Variants in ARHGEF33 observed in about 807,000 individuals in gnomAD.
ARHGEF33 encodes the protein DH and coiled-coil domain-containing protein ENSP00000381780.
In ARHGEF33, 72 loss-of-function variants were observed where a neutral mutation model predicts 101.9. That is an observed-to-expected ratio of 0.71 (90% CI 0.58 to 0.86). ARHGEF33 has a LOEUF of 0.86. Ranked by LOEUF, ARHGEF33 falls within the 40% of genes least tolerant of loss-of-function variation. The probability of loss-of-function intolerance (pLI) is 0.00; values close to 1 mark genes in which losing one functional copy is unlikely to be tolerated. For missense variants in ARHGEF33, 1,169 were observed against 1,111.3 expected, an observed-to-expected ratio of 1.05 and a Z score of -0.74; for synonymous variants, 499 against 442.5, an observed-to-expected ratio of 1.13 and a Z score of -1.60.
intron 2 of ARHGEF33, among the ~76,000 whole-genome samples, chr2:38,906,204 AAAG>A (rs1666385982): frequency 4.0e-5 from 6 of 151,886 alleles, no homozygotes. Context: ...AAAAAAAAAA[AAAG>A]AAAAAAATTC....
In ARHGEF33 at chr2:38,959,945, A is replaced by G; in HGVS notation, c.1640A>G (p.Glu547Gly). Residue 547 changes from glutamate to glycine, a missense_variant, in exon 16 of 18, where the codon GAG becomes GGG. Transcript: ENST00000409978. Reference sequence around the variant, plus strand: ...TGGGAGCTGGAGGGCAGGAAGCACGAGCGGCCCGAGAGCCTTCTGGCACCG... The same window carrying G: ...TGGGAGCTGGAGGGCAGGAAGCACGGGCGGCCCGAGAGCCTTCTGGCACCG... Reference protein sequence around the residue: ...SDWELEGRKHERPESLLAPTQ... With the variant: ...SDWELEGRKHGRPESLLAPTQ... 6.4e-7 allele frequency: 1 copy of G among 1,551,554 alleles called. No homozygotes were observed. The highest frequency in any genetic ancestry group is 8.7e-7 in the Non-Finnish European group (1 of 1,146,910).
At chr2:38,957,938 A>T in intron 14 of ARHGEF33, 96 bp from the exon 15 acceptor site, 1 of 1,422,816 alleles carries the variant, frequency 7.0e-7, no homozygotes, top group South Asian at 1.3e-5. Context: ...AGCAAACTTT[A>T]TCTGAGACAT....
At chr2:38,893,724 G>C (rs1035373240) in intron 1 of ARHGEF33, among the ~76,000 whole-genome samples, 1 of 152,184 alleles carries the variant, frequency 6.6e-6, no homozygotes, top group African/African-American at 2.4e-5. Flanking sequence ...TGCCTTTTAT[G>C]TGGTATATGC....
intron 1 of ARHGEF33, among the ~76,000 whole-genome samples, chr2:38,890,504 A>T (rs1299250762): frequency 3.3e-5 from 5 of 152,190 alleles, no homozygotes; most frequent in Non-Finnish European, 5.9e-5. Context: ...TGTACTGATT[A>T]ATTACATGGG....
At chr2:38,962,934 G>C (rs12712629) in intron 16 of ARHGEF33, among the ~76,000 whole-genome samples, 135,683 of 146,382 alleles carry the variant, frequency 0.93, 62,988 homozygotes, top group African/African-American at 0.94. Context: ...TGAGGCGAGA[G>C]AATGGCGTGA....
chr2:38,931,895 T>G (rs1006472450), intron 7 of ARHGEF33, among the ~76,000 whole-genome samples: 2 of 152,190 alleles, frequency 1.3e-5, no homozygotes, highest in African/African-American at 2.4e-5. Context: ...ACATTTCCTC[T>G]TATTTATGGT....
chr2:38,920,752 T>C (rs1666738857), intron 3 of ARHGEF33, among the ~76,000 whole-genome samples: 1 of 152,152 alleles, frequency 6.6e-6, no homozygotes, highest in Non-Finnish European at 1.5e-5. Flanking sequence ...GCGTGTGCCC[T>C]GTGTTTCTCG....
intron 2 of ARHGEF33, among the ~76,000 whole-genome samples, chr2:38,912,472 G>A (rs1666530014): frequency 6.6e-6 from 1 of 152,014 alleles, no homozygotes; most frequent in Admixed American, 6.6e-5. Context: ...CTTTTAAACT[G>A]TACCCTTTAA....
chr2:38,893,061 C>T (rs1359787391), intron 1 of ARHGEF33, among the ~76,000 whole-genome samples: 1 of 152,196 alleles, frequency 6.6e-6, no homozygotes, highest in Non-Finnish European at 1.5e-5. Flanking sequence ...TATCTGCCCC[C>T]AATCTACCTG....
chr2:38,941,708 T>TG (rs1294545309), intron 9 of ARHGEF33, among the ~76,000 whole-genome samples: 2 of 151,952 alleles, frequency 1.3e-5, no homozygotes, highest in South Asian at 2.1e-4. Flanking sequence ...CCACCACACC[T>TG]GGCTAATTTT....
chr2:38,899,587 C>T lies in ARHGEF33; in HGVS notation c.-86+3738C>T, dbSNP rs543015951. On this transcript the variant is annotated intron_variant, in intron 2 of 17. Transcript: ENST00000409978. ...GGGGGTGGAATGGAGACGCGTTGGTCAAAGGGTACACATTTCAGTAAGACA... is the reference window on the plus strand; with the variant it reads ...GGGGGTGGAATGGAGACGCGTTGGTTAAAGGGTACACATTTCAGTAAGACA... Among the ~76,000 whole-genome samples, 6 of 152,068 alleles carry T rather than the reference C, an allele frequency of 3.9e-5. No homozygotes were observed. The South Asian group carries it at 1.0e-3, about 26-fold the overall frequency.
chr2:38,942,690 T>C (rs1263443965), intron 9 of ARHGEF33, among the ~76,000 whole-genome samples: 2 of 152,190 alleles, frequency 1.3e-5, no homozygotes, highest in Non-Finnish European at 2.9e-5. Flanking sequence ...TTTTGTATCC[T>C]GCATTGTCTC....
At chr2:38,904,566 C>T (rs1666344791) in intron 2 of ARHGEF33, among the ~76,000 whole-genome samples, 2 of 151,858 alleles carry the variant, frequency 1.3e-5, no homozygotes, top group South Asian at 2.1e-4. Flanking sequence ...ATTAGCCAGG[C>T]GTAGTCGTGG....
At chr2:38,890,363 A>G (rs1665969084) in intron 1 of ARHGEF33, among the ~76,000 whole-genome samples, 1 of 152,188 alleles carries the variant, frequency 6.6e-6, no homozygotes, top group Non-Finnish European at 1.5e-5. Context: ...ATTAAGAATA[A>G]TTAAAGAATG....
rs1382296595 is a variant in ARHGEF33 at position 38,937,546 on chromosome 2, A to C, written c.777A>C (p.Glu259Asp). 94 of 1,536,130 alleles carry C rather than the reference A, an allele frequency of 6.1e-5. No homozygotes were observed. In the East Asian group the frequency reaches 2.3e-3, roughly 37 times the overall value. The change falls in exon 9 of 18, where the codon GAA (glutamate) becomes GAC (aspartate). Residue 259 changes from glutamate to aspartate, a missense_variant. Coordinates refer to ENST00000409978, the MANE Select transcript of ARHGEF33 (RefSeq NM_001145451.5). ...GCTCCTTGGAAAACGTTTTATGTGA[A>C]ACCTCCTTAGCTGGTAAGTTCCAAG... The part of the protein sequence containing the change: ...RHSSLENVLC[E>D]TSLAAKRQTV...
intron 16 of ARHGEF33, among the ~76,000 whole-genome samples, chr2:38,965,676 C>A (rs530240396): frequency 2.4e-4 from 37 of 152,316 alleles, no homozygotes; most frequent in African/African-American, 8.7e-4. Context: ...TTTATTCACT[C>A]GTGGAGGACG....
chr2:38,894,672 G>C (rs1457294256), intron 1 of ARHGEF33, among the ~76,000 whole-genome samples: 1 of 152,152 alleles, frequency 6.6e-6, no homozygotes, highest in African/African-American at 2.4e-5. Context: ...CAGCAGGAAC[G>C]AGGAATGGGG....
intron 11 of ARHGEF33, among the ~76,000 whole-genome samples, chr2:38,951,593 C>A (rs1053653849): frequency 2.0e-5 from 3 of 150,222 alleles, no homozygotes; most frequent in South Asian, 4.2e-4. Context: ...ACAGCAAGAC[C>A]CTGTCTTTAT....
intron 1 of ARHGEF33, among the ~76,000 whole-genome samples, chr2:38,895,391 A>G (rs1032505724): frequency 7.9e-5 from 12 of 151,986 alleles, no homozygotes; most frequent in African/African-American, 2.9e-4. Flanking sequence ...ATTAGAAAAG[A>G]CTCTAGATTT....
Sources: allele counts gnomAD v4.1 joint callset (sites outside exome capture counted in the v4.1 genomes callset), GRCh38; gene constraint gnomAD v4.1.1; transcripts MANE v1.5; gene names NCBI Gene and HGNC (gene_info 2026-07-23, HGNC 2026-07-21).